AGO2: variants seen among roughly 807,000 people sequenced by gnomAD.
The protein encoded by AGO2 is protein argonaute-2.
In AGO2, 5 loss-of-function variants were observed where a neutral mutation model predicts 102.3. The ratio of observed to expected loss-of-function variants is 0.05; its 90% CI spans 0.03 to 0.10. AGO2 has a LOEUF of 0.10. Among genes scored for constraint, AGO2 ranks in the 10% least tolerant of loss-of-function variants. The pLI, the probability that AGO2 is intolerant of heterozygous loss-of-function variation, is 1.00. For synonymous variants in AGO2, 449 were observed against 473.1 expected (o/e 0.95, Z 0.66); for missense variants, 541 against 1,183.7 (o/e 0.46, Z 7.97).
chr8:140,584,353 G>A (rs1406724693), intron 2 of AGO2, among the ~76,000 whole-genome samples: 1 of 152,038 alleles, frequency 6.6e-6, no homozygotes, highest in Admixed American at 6.6e-5. Flanking sequence ...GGTGGGGGTG[G>A]GTGGCCTTGG....
intron 8 of AGO2, among the ~76,000 whole-genome samples, chr8:140,556,602 C>T (rs901075844): frequency 1.2e-4 from 19 of 152,276 alleles, no homozygotes; most frequent in Non-Finnish European, 2.2e-4. Flanking sequence ...TCGGTGGCTG[C>T]GGGCGTGAAA....
In AGO2 at chr8:140,541,157, C is replaced by T. The variant is rs993784550; in HGVS notation, c.2034+7G>A. On this transcript the variant is annotated splice_region_variant and intron_variant, in intron 15 of 18. Coordinates refer to ENST00000220592, the MANE Select transcript of AGO2 (RefSeq NM_012154.5). ...GAAGGGGAGGGAAGGTTCCAAGAGG[C>T]GCCCACCTGCTGGAACTGGCCTTCA... 26 of 1,540,834 alleles carry T rather than the reference C, an allele frequency of 1.7e-5. No individual in the cohort carries two copies. The highest frequency in any genetic ancestry group is 1.5e-4 in the East Asian group (6 of 40,944).
At chr8:140,616,223 CT>C (rs2074141334) in intron 1 of AGO2, among the ~76,000 whole-genome samples, 1 of 152,218 alleles carries the variant, frequency 6.6e-6, no homozygotes, top group Non-Finnish European at 1.5e-5. Flanking sequence ...CCAGCACAAA[CT>C]TACTGAAGCA....
Position 140,589,818 on chromosome 8 carries a change from C to T in AGO2, c.23-4507G>A, listed in dbSNP as rs1308293350. On this transcript the variant is annotated intron_variant, in intron 1 of 18. Coordinates refer to ENST00000220592, the MANE Select transcript of AGO2 (RefSeq NM_012154.5). The surrounding 1 kb of genome is among the most constrained non-coding windows in gnomAD (Gnocchi z 4.2). The stretch of plus-strand genomic sequence containing the variant: ...CATCAGCACGAGCCGCAGAACAGGA[C>T]GGAGTGATGGCTCAGTGAGTACAGA... 5.3e-5 allele frequency among the ~76,000 whole-genome samples: 8 copies of T among 151,882 alleles called. No individual in the cohort carries two copies. Among genetic ancestry groups the T allele is most frequent in the Non-Finnish European group, 1.0e-4 (7 of 68,010 alleles).
Position 140,540,299 on chromosome 8 carries a change from G to A in AGO2, c.2035-845C>T, listed in dbSNP as rs762891311. 6.4e-4 allele frequency among the ~76,000 whole-genome samples: 97 copies of A among 152,224 alleles called. No homozygotes were observed. The highest frequency in any genetic ancestry group is 3.4e-3 in the Middle Eastern group (1 of 294). On this transcript the variant is annotated intron_variant, in intron 15 of 18. Coordinates refer to ENST00000220592, the MANE Select transcript of AGO2 (RefSeq NM_012154.5). This position sits in a 1 kb window ranked among gnomAD's most constrained non-coding sequence, Gnocchi z 5.0. ...GCCATCCCGCCTCCTGATCAAGGCC[G>A]GGGAGTTCCTAAGCTCCTGGGGCAG...
At chr8:140,604,876 T>G (rs371108577) in intron 1 of AGO2, among the ~76,000 whole-genome samples, 35 of 152,168 alleles carry the variant, frequency 2.3e-4, no homozygotes, top group African/African-American at 7.2e-4. Flanking sequence ...CGTGACTGTA[T>G]TTGGTGCCAT....
intron 14 of AGO2, among the ~76,000 whole-genome samples, chr8:140,542,302 A>T (rs569764344): frequency 3.3e-5 from 5 of 152,352 alleles, no homozygotes; most frequent in Admixed American, 2.0e-4. Flanking sequence ...GTCACTGAAA[A>T]ATAGGAACTG....
At chr8:140,535,322 G>C in intron 17 of AGO2, 146 bp downstream of exon 17, 2 of 751,906 alleles carry the variant, frequency 2.7e-6, no homozygotes, top group Non-Finnish European at 2.2e-6. Context: ...GCCTGGCACA[G>C]CCTGGGCTCC....
At position 140,557,005 on chromosome 8, in the gene AGO2, C is replaced by T. The variant is rs73713186; in HGVS notation, c.1026+84G>A. On this transcript the variant is annotated intron_variant, in intron 8 of 18. Coordinates refer to ENST00000220592, the MANE Select transcript of AGO2 (RefSeq NM_012154.5). The surrounding 1 kb of genome is among the most constrained non-coding windows in gnomAD (Gnocchi z 5.9). ...TGCCATTTGTATCTGACTGGGGCCT[C>T]GGCGGTTTCTCGAAGCTGCATGCCC... is the stretch of plus-strand genomic sequence containing the variant. 3,652 of 1,515,184 alleles carry T rather than the reference C, an allele frequency of 2.4e-3. 70 individuals carry two copies. In the African/African-American group the frequency reaches 0.044, roughly 18 times the overall value. The allele number at this position is 1,515,184 out of a possible 1,614,324, so 93.9% of individuals were successfully genotyped here.
chr8:140,624,811 A>G lies in AGO2; in HGVS notation c.22+10674T>C, dbSNP rs554876313. Among the ~76,000 whole-genome samples the G allele has an allele frequency of 7.0e-3, 1,065 of 152,370 alleles. 7 individuals carry two copies. The highest frequency in any genetic ancestry group is 0.012 in the Non-Finnish European group (839 of 68,024). On this transcript the variant is annotated intron_variant, in intron 1 of 18. Transcript: ENST00000220592. ...ACATCTTCTGAAACATCTGTCAACA[A>G]GACGATGCCACTGGGATCTGCAATG...
chr8:140,561,303 T>C lies in AGO2; in HGVS notation c.519-793A>G, dbSNP rs538110777. ...TCCCTACTTGTGGGCTGCGCTGATC[T>C]AATCACCTACACGGCCCTTTCACTT... On this transcript the variant is annotated intron_variant, in intron 4 of 18. Coordinates refer to ENST00000220592, the MANE Select transcript of AGO2 (RefSeq NM_012154.5). Among the ~76,000 whole-genome samples the C allele has an allele frequency of 1.1e-4, 17 of 152,358 alleles. No individual in the cohort carries two copies. In the South Asian group the frequency reaches 3.5e-3, roughly 32 times the overall value.
At chr8:140,569,250 T>C (rs1401766108) in intron 3 of AGO2, among the ~76,000 whole-genome samples, 1 of 152,210 alleles carries the variant, frequency 6.6e-6, no homozygotes, top group Non-Finnish European at 1.5e-5. Context: ...TCTCCCAAGG[T>C]ACACTGCTTC....
intron 1 of AGO2, among the ~76,000 whole-genome samples, chr8:140,602,985 C>A (rs1252439433): frequency 2.0e-5 from 3 of 152,222 alleles, no homozygotes; most frequent in African/African-American, 7.2e-5. Context: ...CATTTTGGAT[C>A]ACAGGCCGTG....
chr8:140,586,951 C>T (rs2073669064), intron 1 of AGO2, among the ~76,000 whole-genome samples: 2 of 152,160 alleles, frequency 1.3e-5, no homozygotes, highest in Admixed American at 6.5e-5. Flanking sequence ...GTTACTTAAC[C>T]GAGCCTCACA....
chr8:140,631,133 C>A (rs764620955), intron 1 of AGO2, among the ~76,000 whole-genome samples: 1 of 152,018 alleles, frequency 6.6e-6, no homozygotes, highest in Non-Finnish European at 1.5e-5. Flanking sequence ...AACAGCCCCC[C>A]TCAACAAAAC....
chr8:140,634,313 GA>G (rs2074375343), intron 1 of AGO2, among the ~76,000 whole-genome samples: 1 of 152,278 alleles, frequency 6.6e-6, no homozygotes, highest in Non-Finnish European at 1.5e-5. Flanking sequence ...GGGCCTTCCG[GA>G]CCCCACAATT....
chr8:140,533,225 T>TA (rs1302107804), intron 17 of AGO2, among the ~76,000 whole-genome samples: 9 of 149,780 alleles, frequency 6.0e-5, no homozygotes, highest in South Asian at 2.1e-4. Flanking sequence ...CTGTCTCTAC[T>TA]AAAAATACAA....
chr8:140,573,412 C>CA (rs895938535), intron 2 of AGO2, among the ~76,000 whole-genome samples: 29 of 152,056 alleles, frequency 1.9e-4, no homozygotes, highest in African/African-American at 7.0e-4. Flanking sequence ...CTCCCAACCT[C>CA]AAGTGATCCA....
chr8:140,523,816 T>C lies in AGO2; in HGVS notation c.*8228A>G, dbSNP rs2072455856. On this transcript the variant is annotated 3_prime_UTR_variant, in exon 19 of 19. Coordinates refer to ENST00000220592, the MANE Select transcript of AGO2 (RefSeq NM_012154.5). The stretch of plus-strand genomic sequence containing the variant: ...GTTGCCTCTGTGGAGGGAGAGGCCA[T>C]TCCTTGCCTTGCAGGATGGTGGGTT... The C allele has an allele frequency of 6.6e-6, 1 of 152,284 alleles. No individual in the cohort carries two copies. Among genetic ancestry groups the C allele is most frequent in the African/African-American group, 2.4e-5 (1 of 41,548 alleles). 9.4% of individuals were successfully genotyped at this position (152,284 alleles called of 1,614,324 possible).
Sources: gnomAD v4.1 joint callset for allele counts (sites outside exome capture counted in the v4.1 genomes callset) on GRCh38, gnomAD v4.1.1 for gene constraint, Gnocchi (gnomAD v3.1) non-coding constraint, MANE v1.5 for transcripts, NCBI Gene and HGNC (gene_info 2026-07-23, HGNC 2026-07-21) for gene names.